Variants in KDM2B observed in about 807,000 individuals in gnomAD.
KDM2B encodes lysine demethylase 2B, also known as lysine-specific demethylase 2B.
KDM2B carries 26 observed loss-of-function variants against 150.0 expected under a neutral mutation model. The ratio of observed to expected loss-of-function variants is 0.17; its 90% CI spans 0.13 to 0.24. KDM2B has a LOEUF of 0.24. Among genes scored for constraint, KDM2B ranks in the 10% least tolerant of loss-of-function variants. The probability of loss-of-function intolerance (pLI) is 1.00; values close to 1 mark genes in which losing one functional copy is unlikely to be tolerated. For missense variants in KDM2B, 1,265 were observed against 1,816.9 expected (o/e 0.70, Z 5.52); for synonymous variants, 734 against 729.5 (o/e 1.01, Z -0.10).
chr12:121,413,722 C>T, the KDM2B span, among the ~76,000 whole-genome samples: 25 of 151,924 alleles, frequency 1.6e-4, 1 homozygote, highest in South Asian at 4.6e-3. Flanking sequence ...GGACTACAGG[C>T]CCCACCAGCA....
At chr12:121,500,942 AAC>A (rs1566344307) in intron 11 of KDM2B, among the ~76,000 whole-genome samples, 1 of 152,256 alleles carries the variant, frequency 6.6e-6, no homozygotes, top group East Asian at 1.9e-4. Flanking sequence ...CTCTACTGAA[AAC>A]ACAAAAATTA....
chr12:121,485,194 G>A (rs1165900999), intron 12 of KDM2B, among the ~76,000 whole-genome samples: 2 of 152,070 alleles, frequency 1.3e-5, no homozygotes, highest in Admixed American at 1.3e-4. Flanking sequence ...AGCCCTAGTC[G>A]ACTAATACAC....
chr12:121,547,127 C>T (rs563990470), intron 6 of KDM2B, among the ~76,000 whole-genome samples: 188 of 152,298 alleles, frequency 1.2e-3, no homozygotes, highest in Non-Finnish European at 2.0e-3. Context: ...CAGGCCCCTA[C>T]GCGAGGCACA....
chr12:121,445,974 G>GGAC (rs1480248290), intron 13 of KDM2B, among the ~76,000 whole-genome samples: 11 of 152,310 alleles, frequency 7.2e-5, no homozygotes, highest in African/African-American at 2.4e-4. Flanking sequence ...AATAACAGAC[G>GGAC]TTATTTGCCT....
chr12:121,427,316 T>A (rs554938861), downstream of KDM2B, among the ~76,000 whole-genome samples: 5 of 152,260 alleles, frequency 3.3e-5, no homozygotes, highest in Non-Finnish European at 2.9e-5. Flanking sequence ...GACCAGCAGA[T>A]CACCTGAGGT....
Position 121,441,098 on chromosome 12 carries a change from C to T in KDM2B, c.3420G>A (p.Gln1140=), listed in dbSNP as rs782369422. 4.3e-6 allele frequency: 7 copies of T among 1,614,208 alleles called. No homozygotes were observed. The Admixed American group carries it at 1.2e-4, about 27-fold the overall frequency. ...DLSWTNISKK[Q]LSWLINRLPG... Reference sequence around the variant, plus strand: ...GCAGCCGGTTGATGAGCCAGCTCAGCTGCTTCTTGGAGATATTGGTCCAGC... The same window carrying T: ...GCAGCCGGTTGATGAGCCAGCTCAGTTGCTTCTTGGAGATATTGGTCCAGC... The change falls in exon 20 of 23, where the codon CAG becomes CAA. Residue 1140 remains glutamine (Q), a synonymous_variant. Coordinates refer to ENST00000377071, the MANE Select transcript of KDM2B (RefSeq NM_032590.5).
Position 121,513,455 on chromosome 12 carries a change from G to T in KDM2B, c.1048-53C>A. The stretch of plus-strand genomic sequence containing the variant: ...GGTCAGTTTCCAGAGGGCGAAGGGG[G>T]AAGGAGGGAGAGAAGTGCGGGGCAG... On this transcript the variant is annotated intron_variant, in intron 9 of 22. Coordinates refer to ENST00000377071, the MANE Select transcript of KDM2B (RefSeq NM_032590.5). The surrounding 1 kb of genome is among the most constrained non-coding windows in gnomAD (Gnocchi z 5.0). 28 of 1,592,734 alleles carry T rather than the reference G, an allele frequency of 1.8e-5. No individual in the cohort carries two copies. The highest frequency in any genetic ancestry group is 2.4e-5 in the Non-Finnish European group (28 of 1,163,342).
intron 8 of KDM2B, among the ~76,000 whole-genome samples, chr12:121,530,227 C>CAAAA (rs71453566): frequency 3.0e-5 from 2 of 65,764 alleles, no homozygotes; most frequent in Admixed American, 3.4e-4. Flanking sequence ...GACTCCCTCT[C>CAAAA]AAAAAAAAAA....
At chr12:121,523,172 C>T (rs1566373694) in intron 8 of KDM2B, among the ~76,000 whole-genome samples, 1 of 152,240 alleles carries the variant, frequency 6.6e-6, no homozygotes, top group Admixed American at 6.5e-5. Flanking sequence ...CAAGCGACAG[C>T]GGCTCCGTTT....
At chr12:121,550,336 A>T (rs1889388870) in intron 4 of KDM2B, among the ~76,000 whole-genome samples, 1 of 151,856 alleles carries the variant, frequency 6.6e-6, no homozygotes, top group Non-Finnish European at 1.5e-5. Context: ...AAGAAAGAAA[A>T]GGAAATAAAC....
chr12:121,550,013 T>TA (rs1307618948), intron 4 of KDM2B, among the ~76,000 whole-genome samples: 1 of 152,042 alleles, frequency 6.6e-6, no homozygotes, highest in African/African-American at 2.4e-5. Context: ...CTGTATCTAC[T>TA]AAAAATACAA....
downstream of KDM2B, among the ~76,000 whole-genome samples, chr12:121,427,882 C>CA (rs797033083): frequency 3.3e-5 from 5 of 152,248 alleles, no homozygotes; most frequent in African/African-American, 1.2e-4. Flanking sequence ...ATCCGTTCAC[C>CA]AGAGAACAAT....
intron 22 of KDM2B, among the ~76,000 whole-genome samples, chr12:121,438,605 G>A (rs1555287358): frequency 6.6e-6 from 1 of 152,050 alleles, no homozygotes; most frequent in Non-Finnish European, 1.5e-5. Context: ...AACAATCCCT[G>A]CCACCAAAAC....
intron 6 of KDM2B, chr12:121,535,961 G>C (rs1310930858): frequency 3.9e-6 from 3 of 760,764 alleles, no homozygotes; most frequent in Non-Finnish European, 4.8e-6. Flanking sequence ...CCTCCCCACC[G>C]CTCACGCCCA....
chr12:121,531,338 G>A (rs965878662), intron 8 of KDM2B, among the ~76,000 whole-genome samples: 2 of 152,182 alleles, frequency 1.3e-5, no homozygotes, highest in Admixed American at 6.5e-5. Context: ...CTTTCTAGAA[G>A]CACCCAGGTG....
chr12:121,469,960 G>A (rs1880583258), intron 12 of KDM2B: 1 of 152,054 alleles, frequency 6.6e-6, no homozygotes, highest in Admixed American at 6.6e-5. Flanking sequence ...AACAGGTCAT[G>A]GTAGCACACA....
intron 20 of KDM2B, 42 bp from the exon 21 acceptor site, chr12:121,441,019 C>T (rs1234539021): frequency 6.2e-7 from 1 of 1,612,338 alleles, no homozygotes; most frequent in African/African-American, 1.3e-5. Flanking sequence ...GGGATGTGTC[C>T]CCAGCCCTCA....
intron 11 of KDM2B, among the ~76,000 whole-genome samples, chr12:121,506,009 T>C (rs1258466791): frequency 2.1e-5 from 3 of 144,498 alleles, no homozygotes; most frequent in Non-Finnish European, 4.4e-5. Context: ...CGTTTTTTTG[T>C]TTGCTTTTTT....
chr12:121,440,257 AG>A (rs1292304876), intron 21 of KDM2B, 182 bp from the exon 22 acceptor site: 11 of 601,608 alleles, frequency 1.8e-5, no homozygotes, highest in Non-Finnish European at 3.2e-5. Flanking sequence ...ATCAAAACTT[AG>A]ATTTTCAGAT....
Sources: gnomAD v4.1 joint callset for allele counts (sites outside exome capture counted in the v4.1 genomes callset) on GRCh38, gnomAD v4.1.1 for gene constraint, Gnocchi (gnomAD v3.1) non-coding constraint, MANE v1.5 for transcripts, NCBI Gene and HGNC (gene_info 2026-07-23, HGNC 2026-07-21) for gene names.